Variants in LPA observed in about 807,000 individuals in gnomAD.
LPA encodes the protein apolipoprotein(a).
Under a neutral mutation model 197.9 loss-of-function variants are expected in LPA, and 199 were observed. The observed-to-expected ratio is 1.01, with a 90% CI of 0.90 to 1.13. The LOEUF is 1.13. Ranked by LOEUF, LPA falls within the 50% of genes most tolerant of loss-of-function variation. LPA has a pLI of 0.00. For missense variants in LPA, 1,853 were observed against 1,785.8 expected (o/e 1.04, Z -0.68); for synonymous variants, 715 against 639.5 (o/e 1.12, Z -1.78).
chr6:160,606,914 A>G (rs1194982882), intron 16 of LPA, among the ~76,000 whole-genome samples: 2 of 152,224 alleles, frequency 1.3e-5, no homozygotes, highest in East Asian at 3.9e-4. Context: ...GAGATAATAC[A>G]TACACGTGGG....
chr6:160,586,645 A>G lies in LPA; in HGVS notation c.3948-15T>C, dbSNP rs1400020312. The stretch of plus-strand genomic sequence containing the variant: ...TGGTCAGGCCACTGCAAATTCCAAA[A>G]CAATACAGGTCACCAGAGATTGGAG... On this transcript the variant is annotated splice_polypyrimidine_tract_variant and intron_variant, in intron 24 of 38. Transcript: ENST00000316300. 1 of 1,613,452 alleles carries G rather than the reference A, an allele frequency of 6.2e-7. No homozygotes were observed. The highest frequency in any genetic ancestry group is 1.3e-5 in the African/African-American group (1 of 75,018).
rs117488709 is a variant in LPA at position 160,599,643 on chromosome 6, G to T, written c.3144C>A (p.Thr1048=). Residue 1048 remains threonine (T), a synonymous_variant, in exon 20 of 39, where the codon ACC becomes ACA. Transcript: ENST00000316300. ...GGTAGTAGCAGTCCTGTACCCCGGGGGTTTCCTCAGTCAGTGCTGAAATTA... is the reference window on the plus strand; with the variant it reads ...GGTAGTAGCAGTCCTGTACCCCGGGTGTTTCCTCAGTCAGTGCTGAAATTA... The part of the protein sequence containing the change: ...AFFEQALTEE[T]PGVQDCYYHY... 1.5e-5 allele frequency: 24 copies of T among 1,613,928 alleles called. No individual in the cohort carries two copies. The Middle Eastern group carries it at 5.0e-4, about 33-fold the overall frequency.
chr6:160,654,975 G>T (rs1036871699), intron 1 of LPA, among the ~76,000 whole-genome samples: 1 of 152,150 alleles, frequency 6.6e-6, no homozygotes, highest in South Asian at 2.1e-4. Context: ...AGGGAAGGCA[G>T]GGTGGCATGA....
chr6:160,545,473 T>G lies in LPA; in HGVS notation c.5365A>C (p.Lys1789Gln), dbSNP rs902796820. Residue 1789 changes from lysine to glutamine, a missense_variant, in exon 33 of 39, where the codon AAA becomes CAA. Lys to Gln is a moderately conservative substitution (Grantham distance 53). Transcript: ENST00000316300. ...GPWCYTMNPR[K>Q]LFDYCDIPLC... is the part of the protein sequence containing the mutation. Reference sequence around the variant, plus strand: ...GGGATATCACAGTAGTCAAAAAGTTTTCTTGGATTCATTGTGTAGCACCAG... The same window carrying G: ...GGGATATCACAGTAGTCAAAAAGTTGTCTTGGATTCATTGTGTAGCACCAG... 1.2e-6 allele frequency: 2 copies of G among 1,613,162 alleles called. No homozygotes were observed. Among genetic ancestry groups the G allele is most frequent in the Non-Finnish European group, 1.7e-6 (2 of 1,179,392 alleles).
At chr6:160,605,288 A>G (rs1779324347) in intron 17 of LPA, 83 bp from the exon 18 acceptor site, 5 of 1,522,516 alleles carry the variant, frequency 3.3e-6, no homozygotes, top group Non-Finnish European at 3.6e-6. Flanking sequence ...CAAACCAGAA[A>G]AAAGTCTCTG....
chr6:160,540,143 G>C lies in LPA; in HGVS notation c.5635C>G (p.His1879Asp). ...TGAGATTCGAGGTTCACTTCTTGGT[G>C]TGCACCCAGGATGACCTTGTAGGAT... ...PSSYKVILGA[H>D]QEVNLESHVQ... Residue 1879 changes from histidine (H) to aspartate (D), a missense_variant, in exon 36 of 39, where the codon CAC (histidine) becomes GAC (aspartate). Physicochemically the swap from His to Asp is moderately conservative, Grantham distance 81 (BLOSUM62 -1). Around this residue, in one of 3 missense-constraint regions of LPA, gnomAD observed 1,737 missense variants for 1,504.4 expected, o/e 1.15. Transcript: ENST00000316300. 6.2e-7 allele frequency: 1 copy of C among 1,614,132 alleles called. No individual in the cohort carries two copies. The highest frequency in any genetic ancestry group is 8.5e-7 in the Non-Finnish European group (1 of 1,180,032).
At chr6:160,592,952 T>C (rs116539717) in intron 22 of LPA, among the ~76,000 whole-genome samples, 208 of 152,308 alleles carry the variant, frequency 1.4e-3, no homozygotes, top group African/African-American at 4.7e-3. Flanking sequence ...CTTGCAGTTG[T>C]TCTTTCCCCA....
intron 36 of LPA, 83 bp from the exon 37 acceptor site, chr6:160,538,044 C>A (rs1777920717): frequency 7.0e-6 from 8 of 1,142,826 alleles, no homozygotes; most frequent in South Asian, 3.8e-5. Context: ...TGCCTTGAAG[C>A]CCCAGAGCCC....
intron 1 of LPA, among the ~76,000 whole-genome samples, chr6:160,654,049 TAATATATTATATATATTA>T (rs1780077515): frequency 1.1e-4 from 1 of 9,512 alleles, no homozygotes. Flanking sequence ...ATATAATATA[TAATATATTATATATATTA>T]TATATAATAT....
chr6:160,565,798 G>A (rs1173288207), intron 28 of LPA, among the ~76,000 whole-genome samples: 1 of 152,082 alleles, frequency 6.6e-6, no homozygotes. Flanking sequence ...TTAGATGAAT[G>A]GCAGACTAAA....
At chr6:160,578,749 T>G (rs1344482163) in intron 26 of LPA, 45 bp from the exon 27 acceptor site, 3 of 1,613,246 alleles carry the variant, frequency 1.9e-6, no homozygotes, top group Non-Finnish European at 1.7e-6. Flanking sequence ...TGGGAGAATA[T>G]TCAAGGGCAC....
At chr6:160,576,405 T>C (rs1391527285) in intron 28 of LPA, among the ~76,000 whole-genome samples, 5 of 55,800 alleles carry the variant, frequency 9.0e-5, no homozygotes, top group African/African-American at 2.3e-4. Flanking sequence ...TATATATATA[T>C]ATATATATAT....
intron 16 of LPA, among the ~76,000 whole-genome samples, chr6:160,609,617 G>A (rs557009824): frequency 2.0e-5 from 3 of 152,050 alleles, no homozygotes; most frequent in Admixed American, 6.5e-5. Flanking sequence ...TCAGCCATCC[G>A]TGATTCCGGT....
In LPA at chr6:160,577,306, A is replaced by G. The variant is rs758337443; in HGVS notation, c.4472-11T>C. 6.2e-7 allele frequency: 1 copy of G among 1,613,072 alleles called. No individual in the cohort carries two copies. Among genetic ancestry groups the G allele is most frequent in the Non-Finnish European group, 8.5e-7 (1 of 1,179,158 alleles). On this transcript the variant is annotated splice_polypyrimidine_tract_variant and intron_variant, in intron 27 of 38. Transcript: ENST00000316300. Reference sequence around the variant, plus strand: ...TTTTCTCAGGTGGTGCTGAAATTAAAATAAAATAAATCATACTCAGTAATT... The same window carrying G: ...TTTTCTCAGGTGGTGCTGAAATTAAGATAAAATAAATCATACTCAGTAATT...
At chr6:160,578,801 T>C in intron 26 of LPA, 97 bp from the exon 27 acceptor site, 1 of 1,567,900 alleles carries the variant, frequency 6.4e-7, no homozygotes, top group Non-Finnish European at 8.7e-7. Context: ...TGTTAACAAG[T>C]GCCTTTGAAA....
chr6:160,651,061 G>C (rs1779996990), intron 1 of LPA, among the ~76,000 whole-genome samples: 1 of 152,086 alleles, frequency 6.6e-6, no homozygotes, highest in Non-Finnish European at 1.5e-5. Flanking sequence ...AAATTTTCTT[G>C]TGCCCAGCAT....
rs918715916 is a variant in LPA at position 160,650,302 on chromosome 6, G to C, written c.209+36C>G. On this transcript the variant is annotated intron_variant, in intron 2 of 38. Coordinates refer to ENST00000316300, the MANE Select transcript of LPA (RefSeq NM_005577.4). The stretch of plus-strand genomic sequence containing the variant: ...CCTTTTCTAAGACAAATTTTACTTG[G>C]ACCTTGTTTTGCTTACTGTAAGATT... The C allele has an allele frequency of 6.8e-6, 11 of 1,609,556 alleles. No individual in the cohort carries two copies. The East Asian group carries it at 2.5e-4, about 36-fold the overall frequency.
chr6:160,587,448 T>C (rs1052224229), intron 24 of LPA, among the ~76,000 whole-genome samples: 1 of 152,206 alleles, frequency 6.6e-6, no homozygotes, highest in Admixed American at 6.5e-5. Context: ...CTGTCAAAGC[T>C]GTTGTTCATA....
At chr6:160,546,164 T>C (rs760823135) in intron 32 of LPA, among the ~76,000 whole-genome samples, 202 of 152,218 alleles carry the variant, frequency 1.3e-3, no homozygotes, top group Non-Finnish European at 2.2e-3. Context: ...GAACCAACCA[T>C]GTGACTTGAG....
Sources: gnomAD v4.1 joint callset for allele counts (sites outside exome capture counted in the v4.1 genomes callset) on GRCh38, gnomAD v4.1.1 for gene constraint, gnomAD v4.1.1 regional missense constraint, MANE v1.5 for transcripts, NCBI Gene and HGNC (gene_info 2026-07-23, HGNC 2026-07-21) for gene names.